The following SORCS3 variants were observed in gnomAD, a reference collection of about 807,000 sequenced individuals.
The protein encoded by SORCS3 is VPS10 domain-containing receptor SorCS3.
Under a neutral mutation model 146.3 loss-of-function variants are expected in SORCS3, and 57 were observed. That is an observed-to-expected ratio of 0.39 (90% confidence interval 0.31 to 0.49). SORCS3 has a LOEUF of 0.49. Ranked by LOEUF, SORCS3 falls within the 20% of genes least tolerant of loss-of-function variation. The probability of loss-of-function intolerance (pLI) is 0.92; values close to 1 mark genes in which losing one functional copy is unlikely to be tolerated. For missense variants in SORCS3, 1,341 were observed against 1,575.5 expected, an observed-to-expected ratio of 0.85 and a Z score of 2.52; for synonymous variants, 653 against 618.5, an observed-to-expected ratio of 1.06 and a Z score of -0.83.
intron 14 of SORCS3, among the ~76,000 whole-genome samples, chr10:105,190,321 G>A (rs2056508149): frequency 6.6e-6 from 1 of 152,210 alleles, no homozygotes; most frequent in African/African-American, 2.4e-5. Context: ...TTAAATGGGA[G>A]TAACGAATAA....
chr10:104,867,140 G>T (rs754784172), intron 2 of SORCS3, among the ~76,000 whole-genome samples: 1 of 152,052 alleles, frequency 6.6e-6, no homozygotes, highest in Admixed American at 6.6e-5. Flanking sequence ...AATAAGCCAG[G>T]TAATAACTAA....
chr10:104,646,827 A>C (rs1208724005), intron 1 of SORCS3, among the ~76,000 whole-genome samples: 1 of 152,118 alleles, frequency 6.6e-6, no homozygotes, highest in Non-Finnish European at 1.5e-5. Context: ...TGGTAAGCAG[A>C]ACTGGCTCTG....
chr10:105,186,568 C>G (rs1042149206), intron 14 of SORCS3, among the ~76,000 whole-genome samples: 2 of 152,060 alleles, frequency 1.3e-5, no homozygotes, highest in African/African-American at 4.8e-5. Flanking sequence ...TCTTTCCCTT[C>G]CTCTCTTATA....
At chr10:104,963,876 AT>A (rs1488076788) in intron 3 of SORCS3, among the ~76,000 whole-genome samples, 1 of 152,142 alleles carries the variant, frequency 6.6e-6, no homozygotes, top group Non-Finnish European at 1.5e-5. Flanking sequence ...ATTGAGATGA[AT>A]GTACAGTTTA....
intron 1 of SORCS3, among the ~76,000 whole-genome samples, chr10:104,759,786 G>A (rs551883994): frequency 1.7e-4 from 26 of 152,174 alleles, no homozygotes; most frequent in Middle Eastern, 3.4e-3. Context: ...GTGTTCTGTC[G>A]AGGATCTGTC....
intron 3 of SORCS3, among the ~76,000 whole-genome samples, chr10:104,940,231 T>TA (rs1564717913): frequency 0.023 from 416 of 18,024 alleles, 3 homozygotes; most frequent in Non-Finnish European, 0.029. Flanking sequence ...TATATATATA[T>TA]ATATATATTT....
At chr10:105,097,982 G>A (rs539648541) in intron 6 of SORCS3, among the ~76,000 whole-genome samples, 35 of 152,230 alleles carry the variant, frequency 2.3e-4, no homozygotes, top group African/African-American at 7.7e-4. Flanking sequence ...AAGCAATCAC[G>A]GCACTTCTTC....
intron 1 of SORCS3, among the ~76,000 whole-genome samples, chr10:104,742,932 A>G (rs1377411189): frequency 6.6e-6 from 1 of 152,196 alleles, no homozygotes; most frequent in Non-Finnish European, 1.5e-5. Flanking sequence ...TACTTAGTTC[A>G]CATTCTAGGA....
intron 2 of SORCS3, among the ~76,000 whole-genome samples, chr10:104,889,623 CT>C (rs562811002): frequency 2.1e-4 from 32 of 152,146 alleles, no homozygotes; most frequent in African/African-American, 7.7e-4. Flanking sequence ...CACAAGAACC[CT>C]AAAACAGTAT....
At chr10:104,958,605 AG>A (rs2054770024) in intron 3 of SORCS3, among the ~76,000 whole-genome samples, 1 of 152,184 alleles carries the variant, frequency 6.6e-6, no homozygotes, top group East Asian at 1.9e-4. Context: ...TGAAGATGGA[AG>A]GGGCCAGGAG....
At chr10:105,067,124 C>G (rs950229171) in intron 5 of SORCS3, among the ~76,000 whole-genome samples, 1 of 152,198 alleles carries the variant, frequency 6.6e-6, no homozygotes, top group African/African-American at 2.4e-5. Context: ...CTCATTATTT[C>G]TCTTCCATCT....
At chr10:104,870,833 G>A (rs1040558094) in intron 2 of SORCS3, among the ~76,000 whole-genome samples, 1 of 152,158 alleles carries the variant, frequency 6.6e-6, no homozygotes. Flanking sequence ...GTCCCTCTCG[G>A]AAGGAATTTC....
intron 1 of SORCS3, among the ~76,000 whole-genome samples, chr10:104,663,274 G>C (rs1476341186): frequency 6.6e-6 from 1 of 152,198 alleles, no homozygotes; most frequent in Non-Finnish European, 1.5e-5. Flanking sequence ...AACAACTGCT[G>C]TCTATCGCCT....
In SORCS3 at chr10:104,971,913, A is replaced by G. The variant is rs540791905; in HGVS notation, c.796-5422A>G. 2.2e-4 allele frequency among the ~76,000 whole-genome samples: 34 copies of G among 152,320 alleles called. 1 individual carries two copies. In the South Asian group the frequency reaches 6.8e-3, roughly 31 times the overall value. On this transcript the variant is annotated intron_variant, in intron 3 of 26. Transcript: ENST00000369701. Reference sequence around the variant, plus strand: ...AATTGTTGTGGTATCAAAGGCTGCTATGAGTTTAAATAATGGAAAAGTCTG... The same window carrying G: ...AATTGTTGTGGTATCAAAGGCTGCTGTGAGTTTAAATAATGGAAAAGTCTG...
chr10:105,064,827 A>T (rs1218079787), intron 5 of SORCS3, among the ~76,000 whole-genome samples: 1 of 151,446 alleles, frequency 6.6e-6, no homozygotes, highest in Non-Finnish European at 1.5e-5. Flanking sequence ...GTGAGGGCAG[A>T]TCTTCCCCAC....
chr10:104,991,782 A>AGCCACTG (rs2054996135), intron 4 of SORCS3, among the ~76,000 whole-genome samples: 1 of 152,202 alleles, frequency 6.6e-6, no homozygotes, highest in Admixed American at 6.5e-5. Flanking sequence ...TATAGGCGTG[A>AGCCACTG]GCCACTGCAC....
chr10:105,092,026 A>G lies in SORCS3; in HGVS notation c.1093+2187A>G, dbSNP rs576965731. Among the ~76,000 whole-genome samples the G allele has an allele frequency of 3.5e-4, 54 of 152,330 alleles. 2 individuals carry two copies. The South Asian group carries it at 0.01, about 29-fold the overall frequency. On this transcript the variant is annotated intron_variant, in intron 6 of 26. Transcript: ENST00000369701. ...GAATCCCTTCTCCCAAAACTCTAAC[A>G]GTACATTCTCAGGCTTCGTGAGCTC...
At chr10:105,194,794 T>C (rs2056535264) in intron 14 of SORCS3, among the ~76,000 whole-genome samples, 1 of 152,152 alleles carries the variant, frequency 6.6e-6, no homozygotes, top group Admixed American at 6.6e-5. Flanking sequence ...AGATTGATGG[T>C]CTGGGTAAGT....
At chr10:105,072,616 G>T (rs2055563781) in intron 5 of SORCS3, among the ~76,000 whole-genome samples, 1 of 150,136 alleles carries the variant, frequency 6.7e-6, no homozygotes, top group South Asian at 2.1e-4. Context: ...ACTGGAATGT[G>T]CTGGGGCTTA....
Sources: gnomAD v4.1 joint callset for allele counts (sites outside exome capture counted in the v4.1 genomes callset) on GRCh38, gnomAD v4.1.1 for gene constraint, MANE v1.5 for transcripts, NCBI Gene and HGNC (gene_info 2026-07-23, HGNC 2026-07-21) for gene names.